The following UBR1 variants were observed in gnomAD, a reference collection of about 807,000 sequenced individuals.
The protein encoded by UBR1 is E3 ubiquitin-protein ligase UBR1.
A neutral mutation model predicts 242.1 loss-of-function variants in UBR1; 102 were observed. The ratio of observed to expected loss-of-function variants is 0.42; its 90% CI spans 0.36 to 0.50. The LOEUF is 0.50. Among genes scored for constraint, UBR1 ranks in the 20% least tolerant of loss-of-function variants. The pLI is 0.01. For synonymous variants in UBR1, 675 were observed against 684.8 expected (o/e 0.99, Z 0.22); for missense variants, 1,772 against 2,101.8 (o/e 0.84, Z 3.07).
chr15:42,978,371 G>T (rs577479919), intron 37 of UBR1, among the ~76,000 whole-genome samples: 78 of 152,304 alleles, frequency 5.1e-4, no homozygotes, highest in Middle Eastern at 3.4e-3. Context: ...GCAAAACAGA[G>T]TAGGTAAAAT....
At chr15:42,980,609 C>G (rs950573542) in intron 37 of UBR1, among the ~76,000 whole-genome samples, 2 of 152,114 alleles carry the variant, frequency 1.3e-5, no homozygotes, top group Admixed American at 1.3e-4. Flanking sequence ...TCCATCCATC[C>G]ATCCATCCAT....
At chr15:43,077,264 G>T (rs2033917633) in intron 3 of UBR1, among the ~76,000 whole-genome samples, 2 of 152,192 alleles carry the variant, frequency 1.3e-5, no homozygotes, top group South Asian at 4.2e-4. Context: ...GGTCTGTGTG[G>T]ATGGAAGTAG....
intron 1 of UBR1, among the ~76,000 whole-genome samples, chr15:43,104,506 T>C (rs1171989116): frequency 6.6e-6 from 1 of 152,110 alleles, no homozygotes; most frequent in African/African-American, 2.4e-5. Context: ...TGAAGTGAAT[T>C]TGAACTGCTA....
At chr15:43,008,523 T>C (rs146187250) in intron 29 of UBR1, among the ~76,000 whole-genome samples, 10 of 152,360 alleles carry the variant, frequency 6.6e-5, no homozygotes, top group African/African-American at 2.4e-4. Flanking sequence ...CAGGTGCCCC[T>C]TGGCACAAAC....
chr15:43,052,567 A>G (rs2033569391), intron 12 of UBR1, among the ~76,000 whole-genome samples: 1 of 152,236 alleles, frequency 6.6e-6, no homozygotes, highest in African/African-American at 2.4e-5. Context: ...ACACAAAGCT[A>G]AACTATGAAG....
intron 39 of UBR1, among the ~76,000 whole-genome samples, chr15:42,973,130 T>C (rs1022330365): frequency 6.6e-6 from 1 of 152,214 alleles, no homozygotes; most frequent in African/African-American, 2.4e-5. Context: ...ACCATCTGTA[T>C]ATCTTCTGTG....
chr15:42,960,804 T>G, intron 42 of UBR1, 103 bp from the exon 43 acceptor site: 1 of 1,236,612 alleles, frequency 8.1e-7, no homozygotes, highest in East Asian at 2.6e-5. Context: ...ATTCTCACTC[T>G]TTCGCCCAGG....
At chr15:43,064,245 G>A (rs1224822390) in intron 6 of UBR1, among the ~76,000 whole-genome samples, 1 of 152,170 alleles carries the variant, frequency 6.6e-6, no homozygotes, top group Admixed American at 6.5e-5. Flanking sequence ...TCACTATGAG[G>A]TTATTATCAT....
At position 43,059,717 on chromosome 15, in the gene UBR1, T is replaced by A; in HGVS notation, c.970A>T (p.Ile324Phe). 6.2e-7 allele frequency: 1 copy of A among 1,614,106 alleles called. No homozygotes were observed. The highest frequency in any genetic ancestry group is 8.5e-7 in the Non-Finnish European group (1 of 1,180,012). ...ALRLGSWMNK[I>F]MSYSSDFRQI... ...GTATGCTTACTTGAATAGCTCATAA[T>A]TTTGTTCATCCAGGAACCAAGACGC... The change falls in exon 8 of 47, where the codon ATT (isoleucine) becomes TTT (phenylalanine). Residue 324 changes from isoleucine to phenylalanine, a missense_variant. Around this residue, in one of 3 missense-constraint regions of UBR1, gnomAD observed 734 missense variants for 893.3 expected, o/e 0.82. Coordinates refer to ENST00000290650, the MANE Select transcript of UBR1 (RefSeq NM_174916.3).
chr15:43,049,875 G>A (rs894378131), intron 12 of UBR1, among the ~76,000 whole-genome samples: 8 of 152,100 alleles, frequency 5.3e-5, no homozygotes, highest in African/African-American at 1.9e-4. Flanking sequence ...CTAACCAGCA[G>A]CACCAGCCTC....
intron 41 of UBR1, among the ~76,000 whole-genome samples, chr15:42,964,298 C>T (rs1356379860): frequency 6.6e-6 from 1 of 151,964 alleles, no homozygotes; most frequent in Non-Finnish European, 1.5e-5. Flanking sequence ...GGAGAAACCC[C>T]ATCTCTACTA....
At position 43,046,253 on chromosome 15, in the gene UBR1, A is replaced by C. The variant is rs148687093; in HGVS notation, c.1668+908T>G. On this transcript the variant is annotated intron_variant, in intron 14 of 46. Coordinates refer to ENST00000290650, the MANE Select transcript of UBR1 (RefSeq NM_174916.3). ...ATTTCCTGTGGTGATTGTACTAAAA[A>C]GCTACAGTGCTAGATTAAAGTCTAC... is the stretch of plus-strand genomic sequence containing the variant. Among the ~76,000 whole-genome samples, 1,457 of 152,336 alleles carry C rather than the reference A, an allele frequency of 9.6e-3. 17 individuals carry two copies. The highest frequency in any genetic ancestry group is 0.033 in the African/African-American group (1,387 of 41,580).
chr15:42,964,169 T>C (rs2032068184), intron 41 of UBR1, 126 bp from the exon 42 acceptor site: 4 of 740,900 alleles, frequency 5.4e-6, no homozygotes, highest in African/African-American at 1.8e-5. Context: ...TTGCTTATTC[T>C]ATAAAACCAT....
intron 12 of UBR1, among the ~76,000 whole-genome samples, chr15:43,051,105 A>G (rs1286228618): frequency 6.6e-6 from 1 of 152,210 alleles, no homozygotes; most frequent in Admixed American, 6.5e-5. Context: ...AAATTGTTCT[A>G]TTATAAAGAC....
chr15:43,097,515 C>G (rs2034176041), intron 1 of UBR1, among the ~76,000 whole-genome samples: 1 of 152,250 alleles, frequency 6.6e-6, no homozygotes, highest in African/African-American at 2.4e-5. Context: ...CTTCTTCCAA[C>G]AGAAGGCTGT....
intron 33 of UBR1, 32 bp downstream of exon 33, chr15:42,998,136 A>T: frequency 6.4e-7 from 1 of 1,551,904 alleles, no homozygotes; most frequent in East Asian, 2.2e-5. Context: ...CACCATCTTC[A>T]CATAGCTAAT....
At position 42,944,028 on chromosome 15, in the gene UBR1, G is replaced by A. The variant is rs1704242881; in HGVS notation, c.*1301C>T. 6.6e-6 allele frequency: 1 copy of A among 152,200 alleles called. No homozygotes were observed. Among genetic ancestry groups the A allele is most frequent in the African/African-American group, 2.4e-5 (1 of 41,430 alleles). 9.4% of individuals were successfully genotyped at this position (152,200 alleles called of 1,614,324 possible). A position where few individuals can be genotyped will look rare whatever the true frequency, so the allele number is the denominator to read the frequency against. On this transcript the variant is annotated 3_prime_UTR_variant, in exon 47 of 47. Coordinates refer to ENST00000290650, the MANE Select transcript of UBR1 (RefSeq NM_174916.3). ...CTTGCCTTTGCTGAGCAAAAAGAAGGTAGGAAAACATTTACACACATATGT... is the reference window on the plus strand; with the variant it reads ...CTTGCCTTTGCTGAGCAAAAAGAAGATAGGAAAACATTTACACACATATGT...
At chr15:43,071,076 A>G in intron 4 of UBR1, 151 bp from the exon 5 acceptor site, 1 of 1,122,876 alleles carries the variant, frequency 8.9e-7, no homozygotes. Flanking sequence ...GGGTTGCTAT[A>G]TATTTAGATC....
intron 27 of UBR1, among the ~76,000 whole-genome samples, chr15:43,018,685 C>A (rs1336916243): frequency 6.6e-6 from 1 of 152,040 alleles, no homozygotes; most frequent in Non-Finnish European, 1.5e-5. Context: ...GTCACTGTGC[C>A]CAGTAAAATT....
Sources: gnomAD v4.1 joint callset for allele counts (sites outside exome capture counted in the v4.1 genomes callset) on GRCh38, gnomAD v4.1.1 for gene constraint, gnomAD v4.1.1 regional missense constraint, MANE v1.5 for transcripts, NCBI Gene and HGNC (gene_info 2026-07-23, HGNC 2026-07-21) for gene names.